Variants in GRM1 observed in about 807,000 individuals in gnomAD.
GRM1 encodes the protein glutamate metabotropic receptor 1.
GRM1 carries 33 observed loss-of-function variants against 90.9 expected under a neutral mutation model. The observed-to-expected ratio is 0.36, with a 90% CI of 0.28 to 0.49. The LOEUF is 0.49. Among genes scored for constraint, GRM1 ranks in the 20% least tolerant of loss-of-function variants. The probability of loss-of-function intolerance (pLI) is 0.99; values close to 1 mark genes in which losing one functional copy is unlikely to be tolerated. For synonymous variants in GRM1, 700 were observed against 613.2 expected (o/e 1.14, Z -2.09); for missense variants, 1,190 against 1,534.3 (o/e 0.78, Z 3.75).
chr6:146,372,321 T>C (rs940770965), intron 5 of GRM1, among the ~76,000 whole-genome samples: 11 of 152,170 alleles, frequency 7.2e-5, no homozygotes, highest in Non-Finnish European at 1.3e-4. Flanking sequence ...CAGATTTTTT[T>C]CCTATAGAGT....
rs764083759 is a variant in GRM1 at position 146,188,899 on chromosome 6, G to A, written c.950+29302G>A. Among the ~76,000 whole-genome samples the A allele has an allele frequency of 3.9e-5, 6 of 152,088 alleles. 1 individual carries two copies. In the South Asian group the frequency reaches 6.2e-4, roughly 16 times the overall value. ...CTTTTCCCTGGCTTTCTGCCCTCAC[G>A]TTTTTTATCAGTTTTCTTATTTGTT... On this transcript the variant is annotated intron_variant, in intron 2 of 7. Coordinates refer to ENST00000282753, the MANE Select transcript of GRM1 (RefSeq NM_001278064.2).
upstream of GRM1, among the ~76,000 whole-genome samples, chr6:146,028,514 C>G (rs854145): frequency 6.6e-6 from 1 of 151,256 alleles, no homozygotes; most frequent in Non-Finnish European, 1.5e-5. Flanking sequence ...CAGGACCCCC[C>G]CTAACCCGTC....
At chr6:146,336,201 G>A (rs1784766764) in intron 3 of GRM1, among the ~76,000 whole-genome samples, 1 of 152,060 alleles carries the variant, frequency 6.6e-6, no homozygotes. Context: ...TTGAGCCTGA[G>A]CATTATGGTG....
chr6:146,433,240 C>T (rs1778476207), intron 7 of GRM1, among the ~76,000 whole-genome samples: 1 of 152,164 alleles, frequency 6.6e-6, no homozygotes, highest in Non-Finnish European at 1.5e-5. Context: ...AAATCAAAAG[C>T]TATGAAGCTC....
intron 2 of GRM1, among the ~76,000 whole-genome samples, chr6:146,187,763 C>T (rs1778787587): frequency 6.8e-6 from 1 of 147,930 alleles, no homozygotes; most frequent in African/African-American, 2.6e-5. Context: ...ATAAAATTAG[C>T]TATTTTGCTT....
chr6:146,318,578 T>C (rs909319637), intron 3 of GRM1, among the ~76,000 whole-genome samples: 5 of 152,172 alleles, frequency 3.3e-5, no homozygotes, highest in Non-Finnish European at 7.4e-5. Context: ...GGACTCACCA[T>C]ACTGTCTTCC....
chr6:146,156,270 G>T (rs1021221254), intron 1 of GRM1, among the ~76,000 whole-genome samples: 1 of 152,190 alleles, frequency 6.6e-6, no homozygotes, highest in Non-Finnish European at 1.5e-5. Flanking sequence ...GCCAGGTGTG[G>T]TGGCACATAC....
chr6:146,074,452 A>T (rs1191731421), intron 1 of GRM1, among the ~76,000 whole-genome samples: 1 of 152,142 alleles, frequency 6.6e-6, no homozygotes, highest in Non-Finnish European at 1.5e-5. Context: ...ATTCCCTCAA[A>T]TTCAGAGTCA....
At chr6:146,103,635 A>G (rs1407300554) in intron 1 of GRM1, among the ~76,000 whole-genome samples, 1 of 152,196 alleles carries the variant, frequency 6.6e-6, no homozygotes. Context: ...CCCACCATGT[A>G]AAAGTTTGAT....
intron 2 of GRM1, among the ~76,000 whole-genome samples, chr6:146,231,252 G>A (rs1309587275): frequency 1.3e-5 from 2 of 152,108 alleles, no homozygotes; most frequent in Non-Finnish European, 2.9e-5. Context: ...CTAAGCACAC[G>A]TGGAGGCAAG....
chr6:146,106,350 CT>C (rs1357960231), intron 1 of GRM1, among the ~76,000 whole-genome samples: 1 of 152,080 alleles, frequency 6.6e-6, no homozygotes, highest in African/African-American at 2.4e-5. Context: ...CTTAAGATAC[CT>C]TTGTGGATGG....
At chr6:146,173,258 C>T (rs1441917047) in intron 2 of GRM1, among the ~76,000 whole-genome samples, 25 of 151,646 alleles carry the variant, frequency 1.6e-4, no homozygotes, top group African/African-American at 5.3e-4. Flanking sequence ...GGCATGGTGG[C>T]GCCTGCCTGT....
In GRM1 at chr6:146,352,273, T is replaced by C; in HGVS notation, c.1210T>C (p.Tyr404His). The C allele has an allele frequency of 6.2e-7, 1 of 1,613,820 alleles. No homozygotes were observed. Among genetic ancestry groups the C allele is most frequent in the Non-Finnish European group, 8.5e-7 (1 of 1,179,722 alleles). ...AGGCAATGAAAGCTTAGAAGAAAAC[T>C]ATGTCCAGGACAGTAAGATGGGGTT... ...CTGNESLEEN[Y>H]VQDSKMGFVI... is the part of the protein sequence containing the mutation. Residue 404 changes from tyrosine (Y) to histidine (H), a missense_variant, in exon 4 of 8, where the codon TAT becomes CAT. Coordinates refer to ENST00000282753, the MANE Select transcript of GRM1 (RefSeq NM_001278064.2).
intron 1 of GRM1, among the ~76,000 whole-genome samples, chr6:146,103,495 C>T (rs11155452): frequency 0.37 from 56,359 of 151,982 alleles, 11,154 homozygotes; most frequent in Middle Eastern, 0.52. Context: ...AGCTTGACAT[C>T]GTCCTCTGCC....
intron 5 of GRM1, among the ~76,000 whole-genome samples, chr6:146,384,816 A>G (rs1264467452): frequency 6.6e-6 from 1 of 152,154 alleles, no homozygotes; most frequent in African/African-American, 2.4e-5. Flanking sequence ...ATAACATATT[A>G]GAAGTTATAC....
chr6:146,106,986 C>G (rs1309536352), intron 1 of GRM1, among the ~76,000 whole-genome samples: 2 of 152,174 alleles, frequency 1.3e-5, no homozygotes, highest in African/African-American at 4.8e-5. Flanking sequence ...ACTCTTCGAC[C>G]TCTGGGTAGC....
intron 1 of GRM1, among the ~76,000 whole-genome samples, chr6:146,129,934 A>G (rs1220194836): frequency 2.0e-5 from 3 of 151,952 alleles, no homozygotes; most frequent in African/African-American, 7.3e-5. Flanking sequence ...CCAGAGCAAA[A>G]ATATCACTCA....
chr6:146,403,740 C>T lies in GRM1; in HGVS notation c.2660+4041C>T, dbSNP rs549534775. On this transcript the variant is annotated intron_variant, in intron 7 of 7. Transcript: ENST00000282753. ...ATTAGTGAGTTTACAGATATCATGG[C>T]CAAATGGAAGTGGCGTGTTCTCCTC... 5.3e-5 allele frequency among the ~76,000 whole-genome samples: 8 copies of T among 152,170 alleles called. No individual in the cohort carries two copies. In the East Asian group the frequency reaches 1.3e-3, roughly 26 times the overall value.
chr6:146,405,873 G>T (rs1181869094), intron 7 of GRM1, among the ~76,000 whole-genome samples: 2 of 152,132 alleles, frequency 1.3e-5, no homozygotes, highest in African/African-American at 2.4e-5. Flanking sequence ...GTCAATAACA[G>T]AATGTTTCAA....
Sources: gnomAD v4.1 joint callset for allele counts (sites outside exome capture counted in the v4.1 genomes callset) on GRCh38, gnomAD v4.1.1 for gene constraint, MANE v1.5 for transcripts, NCBI Gene and HGNC (gene_info 2026-07-23, HGNC 2026-07-21) for gene names.